ADAMTS18: variants seen among roughly 807,000 people sequenced by gnomAD.
The protein encoded by ADAMTS18 is A disintegrin and metalloproteinase with thrombospondin motifs 18.
ADAMTS18 carries 157 observed loss-of-function variants against 165.9 expected under a neutral mutation model. That is an observed-to-expected ratio of 0.95 (90% CI 0.83 to 1.08). The LOEUF (loss-of-function observed/expected upper bound fraction) is 1.08, where lower values mean the gene tolerates loss of function less well. ADAMTS18 is among the 50% of genes least tolerant of loss of function. ADAMTS18 has a pLI of 0.00. For missense variants in ADAMTS18, 2,040 were observed against 1,534.0 expected (o/e 1.33, Z -5.51); for synonymous variants, 782 against 578.2 (o/e 1.35, Z -5.06).
intron 9 of ADAMTS18, 117 bp downstream of exon 9, chr16:77,355,823 T>C: frequency 8.1e-7 from 1 of 1,232,070 alleles, no homozygotes; most frequent in Non-Finnish European, 1.2e-6. Context: ...TCATTTGTCT[T>C]TCTGTTTATT....
intron 15 of ADAMTS18, among the ~76,000 whole-genome samples, chr16:77,320,632 C>G (rs1426806582): frequency 4.9e-5 from 1 of 20,284 alleles, no homozygotes; most frequent in Non-Finnish European, 1.1e-4. Flanking sequence ...GAGCAAGACT[C>G]TGTCTCAAAA....
chr16:77,409,040 G>C (rs1324853879), intron 3 of ADAMTS18, among the ~76,000 whole-genome samples: 1 of 151,798 alleles, frequency 6.6e-6, no homozygotes, highest in Non-Finnish European at 1.5e-5. Flanking sequence ...ATAAGTATGT[G>C]TATATATATA....
chr16:77,414,738 A>T (rs2057507919), intron 3 of ADAMTS18, among the ~76,000 whole-genome samples: 1 of 152,234 alleles, frequency 6.6e-6, no homozygotes, highest in African/African-American at 2.4e-5. Context: ...CATTCAAATA[A>T]ACATCTTCAA....
At chr16:77,390,716 G>A (rs1298878820) in intron 3 of ADAMTS18, among the ~76,000 whole-genome samples, 2 of 150,542 alleles carry the variant, frequency 1.3e-5, no homozygotes, top group Non-Finnish European at 3.0e-5. Flanking sequence ...AAAAAAAGAA[G>A]AATCACCCAG....
chr16:77,399,286 G>A (rs1056861561), intron 3 of ADAMTS18, among the ~76,000 whole-genome samples: 3 of 152,174 alleles, frequency 2.0e-5, no homozygotes, highest in Admixed American at 1.3e-4. Context: ...GGGATGGTGA[G>A]GATGAAGCAG....
At chr16:77,389,335 G>T (rs768562233) in intron 3 of ADAMTS18, among the ~76,000 whole-genome samples, 1 of 152,130 alleles carries the variant, frequency 6.6e-6, no homozygotes, top group Non-Finnish European at 1.5e-5. Flanking sequence ...ATCTTTACAT[G>T]ATCTAATTCC....
intron 3 of ADAMTS18, among the ~76,000 whole-genome samples, chr16:77,430,241 A>G (rs1175923862): frequency 6.6e-6 from 1 of 152,256 alleles, no homozygotes; most frequent in Non-Finnish European, 1.5e-5. Flanking sequence ...ATATAGGTCA[A>G]TGGTGAGCCA....
rs376404389 is a variant in ADAMTS18 at position 77,421,584 on chromosome 16, G to A, written c.495+9711C>T. On this transcript the variant is annotated intron_variant, in intron 3 of 22. Transcript: ENST00000282849. ...AGAACTTTCTAAGGCACTGCCCTAG[G>A]CTCATGGAAAACAAGGATGAAATGA... Among the ~76,000 whole-genome samples, 63 of 152,284 alleles carry A rather than the reference G, an allele frequency of 4.1e-4. No homozygotes were observed. In the South Asian group the frequency reaches 0.012, roughly 29 times the overall value.
chr16:77,337,898 C>CT (rs1211586929), intron 11 of ADAMTS18, among the ~76,000 whole-genome samples: 4 of 125,860 alleles, frequency 3.2e-5, no homozygotes, highest in African/African-American at 1.1e-4. Flanking sequence ...TCCATCTTTT[C>CT]TTTTCTTTTC....
At chr16:77,366,514 G>C (rs185929896) in intron 4 of ADAMTS18, among the ~76,000 whole-genome samples, 1 of 152,240 alleles carries the variant, frequency 6.6e-6, no homozygotes, top group South Asian at 2.1e-4. Context: ...AGCAGAGATC[G>C]CGCCACTTCA....
intron 3 of ADAMTS18, among the ~76,000 whole-genome samples, chr16:77,420,774 G>T (rs745317433): frequency 6.6e-6 from 1 of 152,100 alleles, no homozygotes; most frequent in Non-Finnish European, 1.5e-5. Flanking sequence ...CATAAAACAC[G>T]TAGACTCAAT....
intron 16 of ADAMTS18, among the ~76,000 whole-genome samples, chr16:77,316,606 T>A (rs747170110): frequency 6.6e-6 from 1 of 152,236 alleles, no homozygotes; most frequent in Non-Finnish European, 1.5e-5. Flanking sequence ...CTTTTCTGAC[T>A]ACACTATAGC....
At chr16:77,390,099 G>C (rs1312927683) in intron 3 of ADAMTS18, among the ~76,000 whole-genome samples, 1 of 152,142 alleles carries the variant, frequency 6.6e-6, no homozygotes, top group Admixed American at 6.5e-5. Flanking sequence ...AAAGAGAAGA[G>C]TGGCTGTGGC....
At chr16:77,361,507 G>A (rs998494226) in intron 7 of ADAMTS18, among the ~76,000 whole-genome samples, 4 of 152,076 alleles carry the variant, frequency 2.6e-5, no homozygotes, top group African/African-American at 9.7e-5. Flanking sequence ...CTGATTCTGT[G>A]GTCATGATGC....
chr16:77,411,912 C>A (rs914191620), intron 3 of ADAMTS18, among the ~76,000 whole-genome samples: 1 of 151,874 alleles, frequency 6.6e-6, no homozygotes, highest in Non-Finnish European at 1.5e-5. Context: ...TGGTCTTGAA[C>A]TCCTGACCTC....
intron 3 of ADAMTS18, 36 bp from the exon 4 acceptor site, chr16:77,367,759 C>G: frequency 6.2e-7 from 1 of 1,613,904 alleles, no homozygotes; most frequent in Non-Finnish European, 8.5e-7. Context: ...AGTCATGATT[C>G]CATGCATCCC....
intron 3 of ADAMTS18, among the ~76,000 whole-genome samples, chr16:77,404,985 C>A (rs563511635): frequency 6.6e-4 from 100 of 152,234 alleles, no homozygotes; most frequent in South Asian, 1.9e-3. Flanking sequence ...GGCCAGAGCC[C>A]CCAGAGCGGG....
rs139910290 is a variant in ADAMTS18, at chr16:77,327,547, G to C, written c.1860-1509C>G. ...GAAAATGTGGTGTATATAGACCATG[G>C]ACTACTACCCAGCCGTAAAAAAGTA... On this transcript the variant is annotated intron_variant, in intron 12 of 22. Transcript: ENST00000282849. Among the ~76,000 whole-genome samples, 510 of 152,222 alleles carry C rather than the reference G, an allele frequency of 3.4e-3. 6 individuals carry two copies. The highest frequency in any genetic ancestry group is 0.012 in the African/African-American group (498 of 41,532).
At position 77,331,274 on chromosome 16, in the gene ADAMTS18, T is replaced by C. The variant is rs765869522; in HGVS notation, c.1859+4482A>G. Reference sequence around the variant, plus strand: ...TTCATGCACTTTACCAGCAGAGCTATTGAATTAGGTAATCTATGTCTTTCT... The same window carrying C: ...TTCATGCACTTTACCAGCAGAGCTACTGAATTAGGTAATCTATGTCTTTCT... On this transcript the variant is annotated intron_variant, in intron 12 of 22. Coordinates refer to ENST00000282849, the MANE Select transcript of ADAMTS18 (RefSeq NM_199355.4). 6.6e-5 allele frequency among the ~76,000 whole-genome samples: 10 copies of C among 152,166 alleles called. No homozygotes were observed. In the East Asian group the frequency reaches 7.7e-4, roughly 12 times the overall value.
Sources: allele counts gnomAD v4.1 joint callset (sites outside exome capture counted in the v4.1 genomes callset), GRCh38; gene constraint gnomAD v4.1.1; transcripts MANE v1.5; gene names NCBI Gene and HGNC (gene_info 2026-07-23, HGNC 2026-07-21).